Variants in RBP2 observed in about 807,000 individuals in gnomAD.
RBP2 encodes retinol binding protein 2.
A neutral mutation model predicts 17.0 loss-of-function variants in RBP2; 17 were observed. The observed-to-expected ratio is 1.00, with a 90% confidence interval of 0.68 to 1.50. The LOEUF (loss-of-function observed/expected upper bound fraction) is 1.50. Among genes scored for constraint, RBP2 ranks in the 40% most tolerant of loss-of-function variants. RBP2 has a pLI of 0.00. For missense variants in RBP2, 158 were observed against 168.2 expected, an observed-to-expected ratio of 0.94 and a Z score of 0.33; for synonymous variants, 48 against 57.1, an observed-to-expected ratio of 0.84 and a Z score of 0.72.
chr3:139,462,851 C>T (rs1933239434), intron 1 of RBP2, among the ~76,000 whole-genome samples: 2 of 151,928 alleles, frequency 1.3e-5, no homozygotes, highest in Admixed American at 6.6e-5. Context: ...TTTGTTTTTT[C>T]GAGACAGGGT....
intron 1 of RBP2, among the ~76,000 whole-genome samples, chr3:139,465,873 T>C (rs538608780): frequency 6.6e-6 from 1 of 152,196 alleles, no homozygotes; most frequent in African/African-American, 2.4e-5. Flanking sequence ...TATGGAATTG[T>C]ACGTGAGCAC....
chr3:139,453,112 G>T lies in RBP2; in HGVS notation c.*4C>A, dbSNP rs763679884. 1 of 1,614,054 alleles carries T rather than the reference G, an allele frequency of 6.2e-7. No homozygotes were observed. The highest frequency in any genetic ancestry group is 8.5e-7 in the Non-Finnish European group (1 of 1,179,990). On this transcript the variant is annotated 3_prime_UTR_variant, in exon 4 of 4. Transcript: ENST00000232217. ...TTGTGCTTGGCAGGCCTCCCACGTC[G>T]CCATCATTTCTTTTTGAACACTTGA... is the stretch of plus-strand genomic sequence containing the variant.
chr3:139,470,467 A>G (rs577096867), intron 1 of RBP2, among the ~76,000 whole-genome samples: 2 of 151,970 alleles, frequency 1.3e-5, no homozygotes, highest in South Asian at 4.2e-4. Context: ...TCTGCTTGCA[A>G]TCTTGCCCTC....
intron 1 of RBP2, among the ~76,000 whole-genome samples, chr3:139,463,372 G>A (rs1237303079): frequency 6.6e-6 from 1 of 152,048 alleles, no homozygotes; most frequent in East Asian, 1.9e-4. Context: ...ATTTTTAATA[G>A]AGATCGGTTT....
intron 1 of RBP2, among the ~76,000 whole-genome samples, chr3:139,475,075 A>G (rs1933690577): frequency 6.6e-6 from 1 of 152,066 alleles, no homozygotes; most frequent in African/African-American, 2.4e-5. Context: ...TAATCCCAGC[A>G]CTTTGGGAGG....
chr3:139,465,602 T>C (rs2107876103), intron 1 of RBP2, among the ~76,000 whole-genome samples: 1 of 152,270 alleles, frequency 6.6e-6, no homozygotes, highest in African/African-American at 2.4e-5. Context: ...CATCCCCATG[T>C]GTGCAATTTC....
intron 1 of RBP2, among the ~76,000 whole-genome samples, chr3:139,475,996 C>T (rs1425436921): frequency 1.3e-5 from 2 of 152,146 alleles, no homozygotes; most frequent in African/African-American, 2.4e-5. Context: ...AAGAACAATG[C>T]AGAGGTCATT....
intron 2 of RBP2, among the ~76,000 whole-genome samples, chr3:139,459,487 G>T (rs1401652519): frequency 6.7e-6 from 1 of 148,424 alleles, no homozygotes; most frequent in African/African-American, 2.5e-5. Flanking sequence ...GCCAGGCATG[G>T]TGGCGCACGC....
At chr3:139,469,207 A>G (rs1933466333) in intron 1 of RBP2, among the ~76,000 whole-genome samples, 1 of 152,204 alleles carries the variant, frequency 6.6e-6, no homozygotes, top group African/African-American at 2.4e-5. Flanking sequence ...CTCTTAGGCA[A>G]TTGTGAGAAG....
intron 2 of RBP2, among the ~76,000 whole-genome samples, chr3:139,455,159 A>G (rs1041074390): frequency 1.3e-5 from 2 of 152,252 alleles, no homozygotes; most frequent in Admixed American, 6.5e-5. Context: ...GGAAGGGGAA[A>G]ATACCTTAAA....
rs1451121889 is a variant in RBP2, at chr3:139,475,325, A to T, written c.73+1062T>A. On this transcript the variant is annotated intron_variant, in intron 1 of 3. Transcript: ENST00000232217. ...CAGAGCGAGACTCTGTCCCCAAAAT[A>T]AAAAAAAAAAAAAAAAAAAAAAAGA... Among the ~76,000 whole-genome samples, 499 of 56,478 alleles carry T rather than the reference A, an allele frequency of 8.8e-3. 2 individuals carry two copies. In the African/African-American group the frequency reaches 0.14, roughly 15 times the overall value. 37.1% of individuals were successfully genotyped at this position (56,478 alleles called of 152,430 possible). A position where few individuals can be genotyped will look rare whatever the true frequency, so the allele number is the denominator to read the frequency against.
At chr3:139,470,530 A>C (rs1420352554) in intron 1 of RBP2, among the ~76,000 whole-genome samples, 5 of 151,818 alleles carry the variant, frequency 3.3e-5, no homozygotes, top group African/African-American at 1.2e-4. Context: ...GAATACAAAG[A>C]GGATTAATTT....
intron 2 of RBP2, among the ~76,000 whole-genome samples, chr3:139,460,331 A>G (rs1489739837): frequency 6.6e-6 from 1 of 152,206 alleles, no homozygotes; most frequent in Non-Finnish European, 1.5e-5. Context: ...TCCAGGGCCC[A>G]GAATCATAAG....
chr3:139,464,878 C>G (rs1184821040), intron 1 of RBP2, among the ~76,000 whole-genome samples: 1 of 152,084 alleles, frequency 6.6e-6, no homozygotes, highest in Non-Finnish European at 1.5e-5. Context: ...GGGTCCTATC[C>G]CAGACCTAGA....
intron 1 of RBP2, 145 bp downstream of exon 1, chr3:139,476,242 A>ATGATC: frequency 1.6e-6 from 1 of 612,962 alleles, no homozygotes; most frequent in Non-Finnish European, 2.9e-6. Flanking sequence ...GAGAATTCTT[A>ATGATC]TGATCTGCCT....
At chr3:139,454,120 T>A (rs140676824) in intron 3 of RBP2, among the ~76,000 whole-genome samples, 18 of 152,316 alleles carry the variant, frequency 1.2e-4, no homozygotes, top group African/African-American at 4.1e-4. Flanking sequence ...GAGAGATTTT[T>A]CACCATTTGA....
In RBP2 at chr3:139,462,120, G is replaced by T; in HGVS notation, c.244C>A (p.His82Asn). 1 of 1,613,986 alleles carries T rather than the reference G, an allele frequency of 6.2e-7. No homozygotes were observed. Among genetic ancestry groups the T allele is most frequent in the Non-Finnish European group, 8.5e-7 (1 of 1,179,988 alleles). The change falls in exon 2 of 4, where the codon CAT (histidine) becomes AAT (asparagine). Residue 82 changes from histidine to asparagine, a missense_variant. Physicochemically the swap from His to Asn is moderately conservative, Grantham distance 68. Transcript: ENST00000232217. ...CCAGCCCCGGTCAGTACCTTAACATGCCGGTTATCCAGGCTCTTTGTGTAC... is the reference window on the plus strand; with the variant it reads ...CCAGCCCCGGTCAGTACCTTAACATTCCGGTTATCCAGGCTCTTTGTGTAC... ...DEYTKSLDNR[H>N]VKALVTWEGD... is the part of the protein sequence containing the mutation.
At chr3:139,469,865 A>G (rs1017795074) in intron 1 of RBP2, among the ~76,000 whole-genome samples, 2 of 152,012 alleles carry the variant, frequency 1.3e-5, no homozygotes, top group Non-Finnish European at 2.9e-5. Context: ...CCCTACCTCC[A>G]TGTTTTATAC....
intron 2 of RBP2, among the ~76,000 whole-genome samples, chr3:139,455,991 T>C (rs1392955311): frequency 1.3e-5 from 2 of 152,196 alleles, no homozygotes; most frequent in Admixed American, 1.3e-4. Flanking sequence ...CCTGCTATAA[T>C]CTGTACTACC....
Sources: allele counts gnomAD v4.1 joint callset (sites outside exome capture counted in the v4.1 genomes callset), GRCh38; gene constraint gnomAD v4.1.1; transcripts MANE v1.5; gene names NCBI Gene and HGNC (gene_info 2026-07-23, HGNC 2026-07-21).